CAMTA1: variants seen among roughly 807,000 people sequenced by gnomAD.
The protein encoded by CAMTA1 is calmodulin-binding transcription activator 1.
CAMTA1 carries 27 observed loss-of-function variants against 170.9 expected under a neutral mutation model. That is an observed-to-expected ratio of 0.16 (90% CI 0.12 to 0.22). The LOEUF (loss-of-function observed/expected upper bound fraction) is 0.22, where lower values mean the gene tolerates loss of function less well. Among genes scored for constraint, CAMTA1 ranks in the 10% least tolerant of loss-of-function variants. The probability of loss-of-function intolerance (pLI) is 1.00; values close to 1 mark genes in which losing one functional copy is unlikely to be tolerated. For missense variants in CAMTA1, 1,619 were observed against 2,217.2 expected (o/e 0.73, Z 5.42); for synonymous variants, 833 against 891.5 (o/e 0.93, Z 1.17).
intron 3 of CAMTA1, among the ~76,000 whole-genome samples, chr1:6,907,876 C>T (rs774607268): frequency 5.9e-5 from 9 of 152,160 alleles, no homozygotes; most frequent in South Asian, 2.1e-4. Context: ...CAGCCTCTCC[C>T]GCCCCACTGT....
chr1:7,691,658 G>A (rs1177408173), intron 11 of CAMTA1, among the ~76,000 whole-genome samples: 2 of 152,280 alleles, frequency 1.3e-5, no homozygotes, highest in African/African-American at 4.8e-5. Flanking sequence ...GAGTTGAGCT[G>A]AGTTTAAGGG....
chr1:6,825,614 G>C (rs911597073), intron 3 of CAMTA1, among the ~76,000 whole-genome samples: 1 of 152,188 alleles, frequency 6.6e-6, no homozygotes, highest in Non-Finnish European at 1.5e-5. Flanking sequence ...AATTTTTGTA[G>C]AGTTGGAAAG....
At chr1:7,691,368 C>T (rs2096309621) in intron 11 of CAMTA1, among the ~76,000 whole-genome samples, 1 of 152,162 alleles carries the variant, frequency 6.6e-6, no homozygotes, top group African/African-American at 2.4e-5. Context: ...GGCTTTATCC[C>T]CAAGGAGAGG....
intron 4 of CAMTA1, among the ~76,000 whole-genome samples, chr1:7,179,073 C>T (rs1369128231): frequency 6.6e-6 from 1 of 152,162 alleles, no homozygotes; most frequent in African/African-American, 2.4e-5. Context: ...ATGACCAAGG[C>T]GAAGCATCTC....
At chr1:6,854,761 T>G (rs1381915311) in intron 3 of CAMTA1, among the ~76,000 whole-genome samples, 1 of 152,146 alleles carries the variant, frequency 6.6e-6, no homozygotes, top group African/African-American at 2.4e-5. Flanking sequence ...AGCAGAAAAA[T>G]CATGTGATAA....
At chr1:6,865,747 C>T (rs1666373198) in intron 3 of CAMTA1, among the ~76,000 whole-genome samples, 3 of 152,118 alleles carry the variant, frequency 2.0e-5, no homozygotes, top group Admixed American at 1.3e-4. Flanking sequence ...TTACTGTTCT[C>T]ATGTTGTAAA....
At chr1:6,870,572 T>C (rs1668130125) in intron 3 of CAMTA1, among the ~76,000 whole-genome samples, 1 of 152,218 alleles carries the variant, frequency 6.6e-6, no homozygotes, top group Non-Finnish European at 1.5e-5. Flanking sequence ...AATATCTAAG[T>C]GTTTTTGGAA....
At chr1:6,991,960 C>T (rs1270487121) in intron 3 of CAMTA1, among the ~76,000 whole-genome samples, 1 of 152,166 alleles carries the variant, frequency 6.6e-6, no homozygotes, top group Non-Finnish European at 1.5e-5. Context: ...CCTCGGCCTC[C>T]CAAAGTGCTG....
At chr1:7,202,329 C>T (rs1489363189) in intron 4 of CAMTA1, among the ~76,000 whole-genome samples, 4 of 152,132 alleles carry the variant, frequency 2.6e-5, no homozygotes, top group Non-Finnish European at 5.9e-5. Context: ...GTGAATCCTC[C>T]TACTTTGTTC....
chr1:7,728,892 G>A (rs1332500569), intron 11 of CAMTA1, among the ~76,000 whole-genome samples: 5 of 152,146 alleles, frequency 3.3e-5, no homozygotes, highest in African/African-American at 4.8e-5. Context: ...GAGAACGGCC[G>A]TGTGCAGGTT....
intron 5 of CAMTA1, among the ~76,000 whole-genome samples, chr1:7,384,975 C>G (rs1214555480): frequency 6.6e-6 from 1 of 152,248 alleles, no homozygotes; most frequent in Middle Eastern, 3.4e-3. Flanking sequence ...CCTGTGTGAG[C>G]TCCCAGGATA....
In CAMTA1 at chr1:7,083,931, T is replaced by C. The variant is rs567465447; in HGVS notation, c.235-7373T>C. Among the ~76,000 whole-genome samples the C allele has an allele frequency of 3.4e-3, 519 of 151,166 alleles. 3 individuals are homozygous for C. Among genetic ancestry groups the C allele is most frequent in the African/African-American group, 0.012 (502 of 41,294 alleles). ...AATTGCATTTTGTGGCTCTAGCAGA[T>C]GCTGGGGCCAGCTGCTAGGGGAGCC... On this transcript the variant is annotated intron_variant, in intron 3 of 22. Transcript: ENST00000303635.
intron 5 of CAMTA1, among the ~76,000 whole-genome samples, chr1:7,417,610 T>A (rs1364053450): frequency 2.0e-5 from 3 of 152,230 alleles, no homozygotes; most frequent in African/African-American, 7.2e-5. Flanking sequence ...GTGCTGTTTT[T>A]TAAGCCCTTT....
intron 5 of CAMTA1, among the ~76,000 whole-genome samples, chr1:7,362,033 T>C (rs1216571610): frequency 1.3e-5 from 2 of 152,178 alleles, no homozygotes; most frequent in African/African-American, 4.8e-5. Context: ...ACCCTGAAAA[T>C]TTTCTCTATA....
At chr1:7,043,513 G>A (rs1704822702) in intron 3 of CAMTA1, among the ~76,000 whole-genome samples, 1 of 152,192 alleles carries the variant, frequency 6.6e-6, no homozygotes, top group African/African-American at 2.4e-5. Context: ...GCTAGTGTCC[G>A]GGAAATGTGA....
intron 3 of CAMTA1, among the ~76,000 whole-genome samples, chr1:7,035,395 G>A (rs907938387): frequency 1.4e-5 from 2 of 142,824 alleles, no homozygotes; most frequent in African/African-American, 2.9e-5. Context: ...AGCGAAACTC[G>A]GTCTCAAAAA....
At chr1:6,816,553 G>A in intron 1 of CAMTA1, among the ~76,000 whole-genome samples, 1 of 152,234 alleles carries the variant, frequency 6.6e-6, no homozygotes, top group East Asian at 1.9e-4. Flanking sequence ...AGGGGTCTGA[G>A]TTGAAGTGCA....
chr1:7,624,430 T>A (rs965992374), intron 6 of CAMTA1, among the ~76,000 whole-genome samples: 2 of 152,146 alleles, frequency 1.3e-5, no homozygotes, highest in Non-Finnish European at 2.9e-5. Flanking sequence ...ATACCACTGC[T>A]CCCACAGGTG....
chr1:7,530,625 C>T (rs1048106835), intron 6 of CAMTA1, among the ~76,000 whole-genome samples: 5 of 152,104 alleles, frequency 3.3e-5, no homozygotes, highest in Admixed American at 1.3e-4. Flanking sequence ...AGGATTCAAA[C>T]TTGGATCTAT....
Sources: gnomAD v4.1 joint callset for allele counts (sites outside exome capture counted in the v4.1 genomes callset) on GRCh38, gnomAD v4.1.1 for gene constraint, MANE v1.5 for transcripts, NCBI Gene and HGNC (gene_info 2026-07-23, HGNC 2026-07-21) for gene names.